PADI2: variants seen among roughly 807,000 people sequenced by gnomAD.
PADI2 encodes the protein peptidyl arginine deiminase 2, also known as protein-arginine deiminase type-2.
Under a neutral mutation model 81.1 loss-of-function variants are expected in PADI2, and 70 were observed. That is an observed-to-expected ratio of 0.86 (90% confidence interval 0.71 to 1.05). PADI2 has a LOEUF of 1.05. Ranked by LOEUF, PADI2 falls within the 50% of genes least tolerant of loss-of-function variation. The pLI is 0.00. For missense variants in PADI2, 853 were observed against 889.9 expected (o/e 0.96, Z 0.53); for synonymous variants, 338 against 358.0 (o/e 0.94, Z 0.63).
intron 15 of PADI2, among the ~76,000 whole-genome samples, 177 bp downstream of exon 15, chr1:17,069,911 A>T (rs1394998526): frequency 6.6e-6 from 1 of 152,106 alleles, no homozygotes; most frequent in East Asian, 1.9e-4. Flanking sequence ...TGAGCATATC[A>T]CTCCTAGGAG....
In PADI2 at chr1:17,082,578, T is replaced by G; in HGVS notation, c.1125A>C (p.Gly375=). 1.9e-6 allele frequency: 3 copies of G among 1,613,446 alleles called. No individual in the cohort carries two copies. Among genetic ancestry groups the G allele is most frequent in the Non-Finnish European group, 1.7e-6 (2 of 1,179,604 alleles). The change falls in exon 10 of 16, where the codon GGA becomes GGC. Residue 375 remains glycine, a synonymous_variant. Coordinates refer to ENST00000375486, the MANE Select transcript of PADI2 (RefSeq NM_007365.3). ...CCTTCACAGGGAAGTCCTTTAGGTT[T>G]CCATCTCGGGGAGAGTCCAGCACCA... ...FPVVLDSPRD[G]NLKDFPVKEL...
rs2101595222 is a variant in PADI2 at position 17,094,226 on chromosome 1, T to C, written c.412-542A>G. ...TCCCAGTTGAGTTGGCATGAAGCCC[T>C]GATTCCTTGCTGTGGCTTGGAAGGC... On this transcript the variant is annotated intron_variant, in intron 4 of 15. Coordinates refer to ENST00000375486, the MANE Select transcript of PADI2 (RefSeq NM_007365.3). Among the ~76,000 whole-genome samples the C allele has an allele frequency of 2.0e-5, 3 of 152,340 alleles. No individual in the cohort carries two copies. In the Middle Eastern group the frequency reaches 0.01, roughly 518 times the overall value.
intron 3 of PADI2, among the ~76,000 whole-genome samples, chr1:17,102,039 C>G (rs1931163135): frequency 6.6e-6 from 1 of 152,156 alleles, no homozygotes; most frequent in African/African-American, 2.4e-5. Context: ...CAGTGCAGCT[C>G]TAGACACACA....
intron 3 of PADI2, among the ~76,000 whole-genome samples, chr1:17,096,328 C>T (rs947354837): frequency 1.3e-5 from 2 of 152,348 alleles, no homozygotes; most frequent in South Asian, 2.1e-4. Flanking sequence ...CACATAGGGA[C>T]GCTAGCAGAA....
chr1:17,078,731 C>T (rs1433146593), intron 11 of PADI2, among the ~76,000 whole-genome samples: 2 of 151,502 alleles, frequency 1.3e-5, no homozygotes, highest in African/African-American at 2.4e-5. Flanking sequence ...AGGTCTCACT[C>T]TGTTGCCAGG....
intron 1 of PADI2, among the ~76,000 whole-genome samples, chr1:17,114,795 A>G (rs1228622929): frequency 6.6e-6 from 1 of 152,010 alleles, no homozygotes; most frequent in Non-Finnish European, 1.5e-5. Context: ...GATCTGGGGG[A>G]TGGTGTTCCA....
intron 14 of PADI2, 40 bp downstream of exon 14, chr1:17,071,366 C>T (rs200356764): frequency 9.9e-4 from 1,463 of 1,478,582 alleles, no homozygotes; most frequent in Non-Finnish European, 1.3e-3. Flanking sequence ...CTCATCCCTC[C>T]CAGGGGCCCT....
chr1:17,084,305 C>T (rs1332586988), intron 8 of PADI2, among the ~76,000 whole-genome samples: 4 of 152,246 alleles, frequency 2.6e-5, no homozygotes, highest in African/African-American at 9.6e-5. Context: ...AGCTGCATTT[C>T]CACTGCATAG....
Position 17,114,859 on chromosome 1 carries a change from G to A in PADI2, c.92+4421C>T, listed in dbSNP as rs1483878277. Among the ~76,000 whole-genome samples, 3 of 152,302 alleles carry A rather than the reference G, an allele frequency of 2.0e-5. No homozygotes were observed. In the East Asian group the frequency reaches 5.8e-4, roughly 29 times the overall value. ...CTGAGGTGGGAATGAGCTTGGCACAGCCAAGGGCTAACAGCATCCACAAAG... is the reference window on the plus strand; with the variant it reads ...CTGAGGTGGGAATGAGCTTGGCACAACCAAGGGCTAACAGCATCCACAAAG... On this transcript the variant is annotated intron_variant, in intron 1 of 15. Coordinates refer to ENST00000375486, the MANE Select transcript of PADI2 (RefSeq NM_007365.3).
At chr1:17,073,817 G>A (rs552013317) in intron 13 of PADI2, among the ~76,000 whole-genome samples, 24 of 152,258 alleles carry the variant, frequency 1.6e-4, no homozygotes, top group African/African-American at 5.5e-4. Context: ...TAACCTGGCT[G>A]GTTGTCTCCA....
At position 17,093,169 on chromosome 1, in the gene PADI2, C is replaced by T. The variant is rs537910427; in HGVS notation, c.529+398G>A. 9.2e-5 allele frequency among the ~76,000 whole-genome samples: 14 copies of T among 151,486 alleles called. No individual in the cohort carries two copies. The South Asian group carries it at 2.9e-3, about 32-fold the overall frequency. On this transcript the variant is annotated intron_variant, in intron 5 of 15. Coordinates refer to ENST00000375486, the MANE Select transcript of PADI2 (RefSeq NM_007365.3). ...GGAGTGCAGTGGCATGATCTTGGCT[C>T]ACTGCAATCTCTGCCTCCTGGGTTC...
chr1:17,073,067 G>A (rs1455254275), intron 13 of PADI2, among the ~76,000 whole-genome samples: 1 of 152,142 alleles, frequency 6.6e-6, no homozygotes, highest in Non-Finnish European at 1.5e-5. Flanking sequence ...GGGAACTCAG[G>A]CTTTCAGGCA....
At chr1:17,104,054 G>A (rs964723235) in intron 2 of PADI2, among the ~76,000 whole-genome samples, 4 of 151,606 alleles carry the variant, frequency 2.6e-5, no homozygotes, top group African/African-American at 9.7e-5. Context: ...AGGCCAAGGT[G>A]GGCGGATCAC....
chr1:17,097,667 A>G lies in PADI2; in HGVS notation c.350-1697T>C, dbSNP rs561165539. 1.2e-3 allele frequency among the ~76,000 whole-genome samples: 183 copies of G among 152,350 alleles called. 2 individuals are homozygous for G. The highest frequency in any genetic ancestry group is 1.0e-3 in the Non-Finnish European group (71 of 68,038). ...TTCACAGGGCAGCAAACCCAGGTTC[A>G]GAGAAGCCACTTGTCAGCAAATCGG... is the stretch of plus-strand genomic sequence containing the variant. On this transcript the variant is annotated intron_variant, in intron 3 of 15. Transcript: ENST00000375486.
intron 11 of PADI2, 79 bp from the exon 12 acceptor site, chr1:17,075,902 A>T (rs2078298936): frequency 2.9e-6 from 4 of 1,399,612 alleles, no homozygotes; most frequent in Non-Finnish European, 3.0e-6. Flanking sequence ...GGTCTCTGGG[A>T]CCCACCTCGG....
At chr1:17,086,478 C>T (rs772876583) in intron 7 of PADI2, 43 bp downstream of exon 7, 9 of 1,545,960 alleles carry the variant, frequency 5.8e-6, no homozygotes, top group Admixed American at 5.6e-5. Context: ...CCCACCCTGG[C>T]CCCTGGGGTT....
chr1:17,096,882 C>A (rs1208202276), intron 3 of PADI2, among the ~76,000 whole-genome samples: 1 of 152,124 alleles, frequency 6.6e-6, no homozygotes, highest in African/African-American at 2.4e-5. Context: ...CATTTTTGAG[C>A]CAAATAACTC....
intron 3 of PADI2, among the ~76,000 whole-genome samples, chr1:17,102,589 G>A (rs977404252): frequency 1.3e-4 from 20 of 152,208 alleles, no homozygotes; most frequent in African/African-American, 4.8e-4. Flanking sequence ...CCAGGGGGCA[G>A]CTGGGATTGT....
At chr1:17,109,628 C>T (rs1350015367) in intron 1 of PADI2, among the ~76,000 whole-genome samples, 1 of 148,374 alleles carries the variant, frequency 6.7e-6, no homozygotes, top group Non-Finnish European at 1.5e-5. Flanking sequence ...GTAGTTGGGA[C>T]TACAGGCATG....
Sources: gnomAD v4.1 joint callset for allele counts (sites outside exome capture counted in the v4.1 genomes callset) on GRCh38, gnomAD v4.1.1 for gene constraint, MANE v1.5 for transcripts, NCBI Gene and HGNC (gene_info 2026-07-23, HGNC 2026-07-21) for gene names.